The following LRRC38 variants were observed in gnomAD, a reference collection of about 807,000 sequenced individuals.
The protein encoded by LRRC38 is leucine-rich repeat-containing protein 38.
LRRC38 carries 5 observed loss-of-function variants against 16.4 expected under a neutral mutation model. That is an observed-to-expected ratio of 0.31 (90% CI 0.16 to 0.64). LRRC38 has a LOEUF of 0.64. LRRC38 is among the 30% of genes least tolerant of loss of function. LRRC38 has a pLI of 0.80. For synonymous variants in LRRC38, 191 were observed against 190.2 expected (o/e 1.00, Z -0.04); for missense variants, 341 against 401.8 (o/e 0.85, Z 1.29).
intron 1 of LRRC38, among the ~76,000 whole-genome samples, chr1:13,479,109 T>TA (rs1035318081): frequency 6.6e-6 from 1 of 151,686 alleles, no homozygotes; most frequent in Admixed American, 6.6e-5. Flanking sequence ...CTTTATCTTT[T>TA]AAAAAATAAA....
At chr1:13,504,842 GAAAGA>G (rs1038568419) in intron 1 of LRRC38, among the ~76,000 whole-genome samples, 1 of 139,416 alleles carries the variant, frequency 7.2e-6, no homozygotes, top group Non-Finnish European at 1.5e-5. Flanking sequence ...AAAGAAGAAA[GAAAGA>G]AAAGAAAAGA....
At chr1:13,489,144 CA>C (rs1638976945) in intron 1 of LRRC38, among the ~76,000 whole-genome samples, 1 of 152,122 alleles carries the variant, frequency 6.6e-6, no homozygotes, top group Non-Finnish European at 1.5e-5. Context: ...AGAGGAAGGA[CA>C]AACATGGAAG....
intron 1 of LRRC38, among the ~76,000 whole-genome samples, chr1:13,498,848 A>T (rs1254667761): frequency 6.6e-6 from 1 of 152,098 alleles, no homozygotes; most frequent in African/African-American, 2.4e-5. Context: ...ATCTGAGATC[A>T]AGGCATCGGC....
In LRRC38 at chr1:13,475,743, C is replaced by A; in HGVS notation, c.*103G>T. Reference sequence around the variant, plus strand: ...CACGGAACAGGCTCTGTTCAGTTCACAGATGGTGGCCAGTGCTTTTCCATT... The same window carrying A: ...CACGGAACAGGCTCTGTTCAGTTCAAAGATGGTGGCCAGTGCTTTTCCATT... On this transcript the variant is annotated 3_prime_UTR_variant, in exon 2 of 2. Transcript: ENST00000376085. The surrounding 1 kb of genome is among the most constrained non-coding windows in gnomAD (Gnocchi z 4.3). 7.0e-7 allele frequency: 1 copy of A among 1,436,644 alleles called. No individual in the cohort carries two copies. Among genetic ancestry groups the A allele is most frequent in the Non-Finnish European group, 9.3e-7 (1 of 1,071,968 alleles). The allele number at this position is 1,436,644 out of a possible 1,614,324, so 89.0% of individuals were successfully genotyped here.
Position 13,513,563 on chromosome 1 carries a change from C to T in LRRC38, c.31G>A (p.Ala11Thr). The T allele has an allele frequency of 8.2e-7, 1 of 1,222,302 alleles. No homozygotes were observed. The highest frequency in any genetic ancestry group is 1.0e-6 in the Non-Finnish European group (1 of 982,562). The allele number at this position is 1,222,302 out of a possible 1,614,324, so 75.7% of individuals were successfully genotyped here. A position where few individuals can be genotyped will look rare whatever the true frequency, so the allele number is the denominator to read the frequency against. Residue 11 changes from alanine to threonine, a missense_variant, in exon 1 of 2, where the codon GCG (alanine) becomes ACG (threonine). Coordinates refer to ENST00000376085, the MANE Select transcript of LRRC38 (RefSeq NM_001010847.2). The stretch of plus-strand genomic sequence containing the variant: ...AGAAGGCTGCAGAGCCCGAGCGCCG[C>T]GGCGGCGCAGGCTGGGGCTCGGGGG... MRPRAPACAA[A>T]ALGLCSLLLL...
chr1:13,512,925 CCCTCCCT>C, intron 1 of LRRC38, 31 bp downstream of exon 1: 6 of 1,236,056 alleles, frequency 4.9e-6, no homozygotes, highest in Non-Finnish European at 6.7e-6. Flanking sequence ...CTCCCTGCCC[CCCTCCCT>C]CCCTCCCCCA....
At chr1:13,479,904 G>C (rs114783945) in intron 1 of LRRC38, among the ~76,000 whole-genome samples, 12 of 152,272 alleles carry the variant, frequency 7.9e-5, no homozygotes, top group Middle Eastern at 3.4e-3. Context: ...TTTAAACCAG[G>C]GTTTCTCAAC....
At chr1:13,508,836 T>C (rs922744653) in intron 1 of LRRC38, among the ~76,000 whole-genome samples, 9 of 152,208 alleles carry the variant, frequency 5.9e-5, no homozygotes, top group African/African-American at 2.2e-4. Flanking sequence ...CTCATTCCTC[T>C]GACCAAACCA....
At chr1:13,507,635 A>T (rs1317025596) in intron 1 of LRRC38, among the ~76,000 whole-genome samples, 1 of 151,930 alleles carries the variant, frequency 6.6e-6, no homozygotes, top group Non-Finnish European at 1.5e-5. Context: ...AGTTTGAGAC[A>T]AGCCTGGCCA....
At chr1:13,507,346 A>C (rs901574448) in intron 1 of LRRC38, among the ~76,000 whole-genome samples, 2 of 152,224 alleles carry the variant, frequency 1.3e-5, no homozygotes, top group Non-Finnish European at 2.9e-5. Flanking sequence ...CGACTCATCA[A>C]CAGCAGGACA....
intron 1 of LRRC38, among the ~76,000 whole-genome samples, chr1:13,509,457 C>T (rs747789468): frequency 5.3e-5 from 8 of 152,090 alleles, no homozygotes; most frequent in Non-Finnish European, 8.8e-5. Flanking sequence ...TGCCCACTGG[C>T]CTCGGTTTCT....
intron 1 of LRRC38, among the ~76,000 whole-genome samples, chr1:13,496,288 C>T (rs181037196): frequency 5.3e-5 from 8 of 152,254 alleles, no homozygotes; most frequent in Non-Finnish European, 1.2e-4. Context: ...CTTGCCTCAG[C>T]GTCCCAAGTA....
intron 1 of LRRC38, among the ~76,000 whole-genome samples, chr1:13,506,139 C>T (rs1248012066): frequency 1.3e-5 from 2 of 152,052 alleles, no homozygotes; most frequent in South Asian, 2.1e-4. Context: ...CGAGATCGCA[C>T]AGGATGGGCT....
At chr1:13,507,336 C>T (rs1280091330) in intron 1 of LRRC38, among the ~76,000 whole-genome samples, 2 of 152,138 alleles carry the variant, frequency 1.3e-5, no homozygotes, top group African/African-American at 4.8e-5. Context: ...GGACATGCAC[C>T]GACTCATCAA....
intron 1 of LRRC38, among the ~76,000 whole-genome samples, chr1:13,512,119 G>A (rs1639280423): frequency 6.6e-6 from 1 of 152,136 alleles, no homozygotes; most frequent in Non-Finnish European, 1.5e-5. Flanking sequence ...CAAGTGGGAG[G>A]CTGGAATCCA....
Position 13,487,983 on chromosome 1 carries a change from TA to T in LRRC38, c.632-11885del, listed in dbSNP as rs199727270. On this transcript the variant is annotated intron_variant, in intron 1 of 1. Transcript: ENST00000376085. The surrounding 1 kb of genome is among the most constrained non-coding windows in gnomAD (Gnocchi z 4.4). Reference sequence around the variant, plus strand: ...AAAATAATCAAAAACAAGGGAGAATTAAAAAAAAAGTTAACACTTGGCTTAT... The same window carrying T: ...AAAATAATCAAAAACAAGGGAGAATTAAAAAAAAGTTAACACTTGGCTTAT... Among the ~76,000 whole-genome samples the T allele has an allele frequency of 1.0e-4, 15 of 150,706 alleles. No individual in the cohort carries two copies. Among genetic ancestry groups the T allele is most frequent in the Admixed American group, 8.0e-4 (12 of 15,084 alleles).
intron 1 of LRRC38, among the ~76,000 whole-genome samples, chr1:13,507,608 GATCA>G (rs1429656556): frequency 1.3e-5 from 2 of 151,512 alleles, no homozygotes; most frequent in African/African-American, 4.8e-5. Flanking sequence ...GAGGTGAGTG[GATCA>G]CCTGAGGTCA....
intron 1 of LRRC38, among the ~76,000 whole-genome samples, chr1:13,477,774 G>A (rs773341609): frequency 2.6e-5 from 4 of 152,154 alleles, no homozygotes; most frequent in Non-Finnish European, 5.9e-5. Flanking sequence ...GGAAACTGAG[G>A]CTATGATCAC....
intron 1 of LRRC38, among the ~76,000 whole-genome samples, chr1:13,494,399 T>C (rs74056253): frequency 1.2e-3 from 48 of 39,804 alleles, no homozygotes; most frequent in African/African-American, 7.1e-3. Flanking sequence ...TGTGCTAGAC[T>C]TTTTTTTTTT....
Sources: allele counts gnomAD v4.1 joint callset (sites outside exome capture counted in the v4.1 genomes callset), GRCh38; gene constraint gnomAD v4.1.1; non-coding constraint Gnocchi (gnomAD v3.1); transcripts MANE v1.5; gene names NCBI Gene and HGNC (gene_info 2026-07-23, HGNC 2026-07-21).